DCAF8: variants seen among roughly 807,000 people sequenced by gnomAD.
DCAF8 encodes DDB1- and CUL4-associated factor 8.
DCAF8 carries 20 observed loss-of-function variants against 68.0 expected under a neutral mutation model. The observed-to-expected ratio is 0.29, with a 90% CI of 0.21 to 0.43. DCAF8 has a LOEUF of 0.43. Ranked by LOEUF, DCAF8 falls within the 20% of genes least tolerant of loss-of-function variation. The probability of loss-of-function intolerance (pLI) is 1.00; values close to 1 mark genes in which losing one functional copy is unlikely to be tolerated. For missense variants in DCAF8, 460 were observed against 771.0 expected, an observed-to-expected ratio of 0.60 and a Z score of 4.78; for synonymous variants, 230 against 276.9, an observed-to-expected ratio of 0.83 and a Z score of 1.68.
At chr1:160,257,978 C>G (rs1656905024) in intron 2 of DCAF8, among the ~76,000 whole-genome samples, 1 of 152,186 alleles carries the variant, frequency 6.6e-6, no homozygotes, top group Non-Finnish European at 1.5e-5. Context: ...ATCCTCCCAC[C>G]TTGGCCTCCC....
At chr1:160,254,127 G>C (rs1656727180) in intron 2 of DCAF8, among the ~76,000 whole-genome samples, 1 of 151,952 alleles carries the variant, frequency 6.6e-6, no homozygotes, top group Non-Finnish European at 1.5e-5. Flanking sequence ...TTTGAGACCA[G>C]CCTGGCCAAC....
chr1:160,246,188 C>A (rs1252973421), intron 2 of DCAF8, among the ~76,000 whole-genome samples: 1 of 151,950 alleles, frequency 6.6e-6, no homozygotes, highest in Admixed American at 6.6e-5. Flanking sequence ...AATAAGCAGA[C>A]CAGTGTAACA....
intron 11 of DCAF8, 87 bp from the exon 12 acceptor site, chr1:160,219,055 C>A: frequency 6.4e-7 from 1 of 1,564,096 alleles, no homozygotes; most frequent in Non-Finnish European, 8.7e-7. Flanking sequence ...CAAATAACTG[C>A]CCTTGATCAG....
chr1:160,262,058 G>A, intron 1 of DCAF8: 1 of 321,810 alleles, frequency 3.1e-6, no homozygotes. Context: ...GTCACCCAAC[G>A]AAGCAAGGCG....
chr1:160,231,580 G>A (rs1459452579), intron 6 of DCAF8, among the ~76,000 whole-genome samples, 173 bp from the exon 7 acceptor site: 1 of 152,144 alleles, frequency 6.6e-6, no homozygotes, highest in East Asian at 1.9e-4. Context: ...CAGGAAAAAA[G>A]CACATACATT....
At chr1:160,224,990 T>C in intron 9 of DCAF8, 72 bp downstream of exon 9, 1 of 1,451,774 alleles carries the variant, frequency 6.9e-7, no homozygotes, top group South Asian at 1.1e-5. Context: ...GGAGGGCACA[T>C]GCCTCACTGG....
At chr1:160,244,870 A>G (rs1656259296) in intron 2 of DCAF8, among the ~76,000 whole-genome samples, 1 of 152,160 alleles carries the variant, frequency 6.6e-6, no homozygotes, top group African/African-American at 2.4e-5. Flanking sequence ...CGGCCTCCCA[A>G]AGTGCTGGGA....
chr1:160,217,556 T>A lies in DCAF8; in HGVS notation c.*36A>T. The A allele has an allele frequency of 6.6e-7, 1 of 1,513,908 alleles. No homozygotes were observed. Among genetic ancestry groups the A allele is most frequent in the Non-Finnish European group, 9.1e-7 (1 of 1,095,662 alleles). 93.8% of individuals were successfully genotyped at this position (1,513,908 alleles called of 1,614,324 possible). A position where few individuals can be genotyped will look rare whatever the true frequency, so the allele number is the denominator to read the frequency against. ...AAGGGTTGCCCAGGCAGGATCAGGT[T>A]GGCAGCCCCAGCCTGCCCCACCTAG... is the stretch of plus-strand genomic sequence containing the variant. On this transcript the variant is annotated 3_prime_UTR_variant, in exon 14 of 14. Coordinates refer to ENST00000368074, the MANE Select transcript of DCAF8 (RefSeq NM_015726.4).
intron 2 of DCAF8, among the ~76,000 whole-genome samples, chr1:160,256,995 G>A (rs1169375090): frequency 6.6e-6 from 1 of 152,160 alleles, no homozygotes; most frequent in African/African-American, 2.4e-5. Context: ...CTCACTCCAA[G>A]AGCAGAATGA....
chr1:160,255,775 G>A (rs950770759), intron 2 of DCAF8, among the ~76,000 whole-genome samples: 2 of 151,820 alleles, frequency 1.3e-5, no homozygotes, highest in Non-Finnish European at 2.9e-5. Context: ...GCATGCCACT[G>A]CAGCTGGCTA....
intron 2 of DCAF8, among the ~76,000 whole-genome samples, chr1:160,244,328 A>C (rs1656235187): frequency 1.3e-5 from 2 of 152,380 alleles, no homozygotes; most frequent in South Asian, 4.1e-4. Context: ...GAACTAAAAT[A>C]AAACCTGGAA....
chr1:160,218,256 A>G, intron 13 of DCAF8, 68 bp downstream of exon 13: 1 of 1,211,538 alleles, frequency 8.3e-7, no homozygotes. Flanking sequence ...TGAAGTCACT[A>G]CTCTGGAACT....
chr1:160,225,984 T>C (rs1297304967), intron 7 of DCAF8, among the ~76,000 whole-genome samples: 2 of 152,096 alleles, frequency 1.3e-5, no homozygotes, highest in Non-Finnish European at 2.9e-5. Flanking sequence ...GCTGGGACTA[T>C]GGGCACACAC....
At chr1:160,233,592 G>A (rs535239242) in intron 6 of DCAF8, among the ~76,000 whole-genome samples, 2 of 152,236 alleles carry the variant, frequency 1.3e-5, no homozygotes, top group South Asian at 2.1e-4. Flanking sequence ...GAGAGGAGGA[G>A]CTGATGCTGC....
intron 4 of DCAF8, chr1:160,239,410 T>C: frequency 4.9e-6 from 7 of 1,417,282 alleles, no homozygotes; most frequent in Admixed American, 3.0e-5. Flanking sequence ...ACTCAGGCAG[T>C]TTGGTTCAAG....
At chr1:160,253,191 A>G (rs772152452) in intron 2 of DCAF8, among the ~76,000 whole-genome samples, 6 of 152,162 alleles carry the variant, frequency 3.9e-5, no homozygotes, top group Non-Finnish European at 7.3e-5. Context: ...CTGGAAGTCA[A>G]GAATAAAAAG....
In DCAF8 at chr1:160,218,863, T is replaced by C. The variant is rs760937270; in HGVS notation, c.1546A>G (p.Thr516Ala). ...APTAEASTEL[T>A]GLKDVIKKNK... The stretch of plus-strand genomic sequence containing the variant: ...CAGCCACTTACATCTTTTAACCCTG[T>C]CAGCTCAGTGGAAGCTTCAGCTGTG... Residue 516 changes from threonine (T) to alanine (A), a missense_variant, in exon 12 of 14, where the codon ACA becomes GCA. By Grantham distance (58) the Thr-to-Ala change is moderately conservative. This residue lies in a region of DCAF8 where 80 missense variants were observed against 115.1 expected (regional missense o/e 0.70). Transcript: ENST00000368074. The C allele has an allele frequency of 4.3e-6, 7 of 1,614,236 alleles. No individual in the cohort carries two copies. Among genetic ancestry groups the C allele is most frequent in the Non-Finnish European group, 5.1e-6 (6 of 1,180,038 alleles).
In DCAF8 at chr1:160,244,003, G is replaced by A; in HGVS notation, c.6C>T (p.Ser2=). The A allele has an allele frequency of 4.3e-6, 7 of 1,614,092 alleles. No homozygotes were observed. Among genetic ancestry groups the A allele is most frequent in the Non-Finnish European group, 5.1e-6 (6 of 1,180,012 alleles). Residue 2 remains serine, a synonymous_variant, in exon 3 of 14, where the codon TCC becomes TCT. Transcript: ENST00000368074. ...TGCCATCTGTGCTGCTCCCTTTGCT[G>A]GACATCTTGAATGATGTTTGCTGTA... M[S]SKGSSTDGRT...
chr1:160,219,982 G>C (rs10908770), intron 11 of DCAF8: 98,890 of 152,210 alleles, frequency 0.65, 33,589 homozygotes, highest in African/African-American at 0.86. Flanking sequence ...AACCACCTCC[G>C]CTGCCTCACC....
Sources: allele counts gnomAD v4.1 joint callset (sites outside exome capture counted in the v4.1 genomes callset), GRCh38; gene constraint gnomAD v4.1.1; regional missense constraint gnomAD v4.1.1; transcripts MANE v1.5; gene names NCBI Gene and HGNC (gene_info 2026-07-23, HGNC 2026-07-21).